The following PRKN variants were observed in gnomAD, a reference collection of about 807,000 sequenced individuals.
PRKN encodes the protein parkin RBR E3 ubiquitin protein ligase.
In PRKN, 56 loss-of-function variants were observed where a neutral mutation model predicts 59.5. That is an observed-to-expected ratio of 0.94 (90% confidence interval 0.76 to 1.18). The LOEUF (loss-of-function observed/expected upper bound fraction) is 1.18, where lower values mean the gene tolerates loss of function less well. PRKN is among the 50% of genes most tolerant of loss of function. PRKN has a pLI of 0.00. For synonymous variants in PRKN, 250 were observed against 222.1 expected (o/e 1.13, Z -1.12); for missense variants, 657 against 596.4 (o/e 1.10, Z -1.06).
chr6:161,462,294 T>G lies in PRKN; in HGVS notation c.1084-75417A>C, dbSNP rs1443472132. ...TTATCTAGACAGCATGCTTTTATTCTGAATCACCTGAACTTCCAGCTATCT... is the reference window on the plus strand; with the variant it reads ...TTATCTAGACAGCATGCTTTTATTCGGAATCACCTGAACTTCCAGCTATCT... On this transcript the variant is annotated intron_variant, in intron 9 of 11. Transcript: ENST00000366898. This position sits in a 1 kb window ranked among gnomAD's most constrained non-coding sequence, Gnocchi z 4.5. 6.6e-6 allele frequency among the ~76,000 whole-genome samples: 1 copy of G among 152,232 alleles called. No individual in the cohort carries two copies. Among genetic ancestry groups the G allele is most frequent in the Non-Finnish European group, 1.5e-5 (1 of 68,040 alleles).
At chr6:162,537,364 C>T (rs1244505024) in intron 1 of PRKN, among the ~76,000 whole-genome samples, 1 of 152,188 alleles carries the variant, frequency 6.6e-6, no homozygotes, top group Non-Finnish European at 1.5e-5. Context: ...CCACATGTTC[C>T]CGCTTCTTTG....
intron 9 of PRKN, among the ~76,000 whole-genome samples, chr6:161,512,724 T>A (rs1778439315): frequency 6.6e-6 from 1 of 152,202 alleles, no homozygotes; most frequent in African/African-American, 2.4e-5. Context: ...CACGTGTGAC[T>A]ATGTAGAGCA....
At chr6:161,482,727 G>A (rs1226204784) in intron 9 of PRKN, among the ~76,000 whole-genome samples, 5 of 152,208 alleles carry the variant, frequency 3.3e-5, no homozygotes, top group Non-Finnish European at 7.3e-5. Flanking sequence ...AGGCCAGCAC[G>A]TGGTTAATGA....
chr6:162,086,736 C>T (rs937076404), intron 4 of PRKN, among the ~76,000 whole-genome samples: 1 of 152,178 alleles, frequency 6.6e-6, no homozygotes, highest in East Asian at 1.9e-4. Flanking sequence ...TCAAATACTT[C>T]TCCTTAGTAG....
At chr6:161,627,144 A>G (rs1783118973) in intron 7 of PRKN, among the ~76,000 whole-genome samples, 5 of 152,222 alleles carry the variant, frequency 3.3e-5, no homozygotes, top group Admixed American at 6.5e-5. Context: ...ATTCTGCTGA[A>G]GGAGGTACAG....
Position 161,393,460 on chromosome 6 carries a change from G to A in PRKN, c.1084-6583C>T, listed in dbSNP as rs557778003. Among the ~76,000 whole-genome samples, 5 of 152,162 alleles carry A rather than the reference G, an allele frequency of 3.3e-5. No individual in the cohort carries two copies. The highest frequency in any genetic ancestry group is 3.9e-4 in the East Asian group (2 of 5,184). ...TAAGTCACTGTCAGCCCCCTTAGAC[G>A]CTCTGTACTACCAGAGAGCTATGTG... On this transcript the variant is annotated intron_variant, in intron 9 of 11. Transcript: ENST00000366898. This position sits in a 1 kb window ranked among gnomAD's most constrained non-coding sequence, Gnocchi z 4.7.
chr6:162,243,558 T>C (rs1779077537), intron 3 of PRKN, among the ~76,000 whole-genome samples: 1 of 152,122 alleles, frequency 6.6e-6, no homozygotes, highest in African/African-American at 2.4e-5. Flanking sequence ...TTAATACGAG[T>C]TTAATAGAGG....
chr6:162,269,356 AC>A (rs1436686947), intron 2 of PRKN, among the ~76,000 whole-genome samples: 1 of 152,196 alleles, frequency 6.6e-6, no homozygotes, highest in Non-Finnish European at 1.5e-5. Flanking sequence ...TTAAGCACAT[AC>A]CTAGAAGTGA....
chr6:162,540,083 T>G (rs2128199542), intron 1 of PRKN, among the ~76,000 whole-genome samples: 1 of 151,934 alleles, frequency 6.6e-6, no homozygotes, highest in Non-Finnish European at 1.5e-5. Flanking sequence ...GCCCAGCTAA[T>G]TTTTGTATTT....
intron 7 of PRKN, among the ~76,000 whole-genome samples, chr6:161,766,314 A>ATTTTTTTTTTTTTTTTTTTTTTTTTTTT (rs758294050): frequency 7.9e-5 from 11 of 139,634 alleles, no homozygotes; most frequent in South Asian, 2.3e-4. Flanking sequence ...CATTGACCAC[A>ATTTTTTTTTTTTTTTTTTTTTTTTTTTT]TTTTTTTTTT....
intron 1 of PRKN, among the ~76,000 whole-genome samples, chr6:162,705,407 A>T (rs768110321): frequency 2.7e-4 from 41 of 152,152 alleles, no homozygotes; most frequent in Admixed American, 9.2e-4. Flanking sequence ...TTCCATCAAT[A>T]TGCCCTTAAT....
At position 162,315,394 on chromosome 6, in the gene PRKN, G is replaced by A. The variant is rs1389455943; in HGVS notation, c.172-52629C>T. 2.6e-5 allele frequency among the ~76,000 whole-genome samples: 4 copies of A among 152,300 alleles called. No individual in the cohort carries two copies. In the South Asian group the frequency reaches 8.3e-4, roughly 32 times the overall value. ...CAGAAAGTTTAAGGAGTTATTGTAA[G>A]GCCGCCTGTAGGAAAGTACTAATAA... On this transcript the variant is annotated intron_variant, in intron 2 of 11. Coordinates refer to ENST00000366898, the MANE Select transcript of PRKN (RefSeq NM_004562.3).
intron 1 of PRKN, among the ~76,000 whole-genome samples, chr6:162,592,641 T>G (rs1441165696): frequency 1.3e-5 from 2 of 152,122 alleles, no homozygotes; most frequent in African/African-American, 4.8e-5. Flanking sequence ...CCCTGTACAT[T>G]AGATAACCAC....
At chr6:162,584,169 C>T (rs13205278) in intron 1 of PRKN, among the ~76,000 whole-genome samples, 8 of 146,592 alleles carry the variant, frequency 5.5e-5, no homozygotes, top group South Asian at 2.2e-4. Context: ...GCTGAGATTG[C>T]GTCACTGCAC....
intron 1 of PRKN, among the ~76,000 whole-genome samples, chr6:162,513,499 AG>A (rs1251529189): frequency 6.8e-6 from 1 of 146,308 alleles, no homozygotes; most frequent in Non-Finnish European, 1.5e-5. Flanking sequence ...AAAGAGGGAA[AG>A]AAAGAGAGAA....
At chr6:162,308,415 A>G (rs1782332123) in intron 2 of PRKN, among the ~76,000 whole-genome samples, 1 of 152,182 alleles carries the variant, frequency 6.6e-6, no homozygotes, top group Non-Finnish European at 1.5e-5. Context: ...AAAACAATTG[A>G]TGTCAGGAAG....
intron 6 of PRKN, among the ~76,000 whole-genome samples, chr6:161,920,340 T>C (rs1221188099): frequency 4.0e-5 from 6 of 148,996 alleles, no homozygotes; most frequent in East Asian, 4.1e-4. Flanking sequence ...GCCAAGATTG[T>C]GCCACTGCAC....
chr6:161,460,194 A>G lies in PRKN; in HGVS notation c.1084-73317T>C, dbSNP rs1354334680. ...AATACAACCAAAGTTTATAATAGGA[A>G]TATAATCCGTGTTATTTTAGGATGT... is the stretch of plus-strand genomic sequence containing the variant. On this transcript the variant is annotated intron_variant, in intron 9 of 11. Coordinates refer to ENST00000366898, the MANE Select transcript of PRKN (RefSeq NM_004562.3). The surrounding 1 kb of genome is among the most constrained non-coding windows in gnomAD (Gnocchi z 5.0). Among the ~76,000 whole-genome samples the G allele has an allele frequency of 6.6e-6, 1 of 152,222 alleles. No individual in the cohort carries two copies. Among genetic ancestry groups the G allele is most frequent in the Non-Finnish European group, 1.5e-5 (1 of 68,048 alleles).
chr6:161,960,723 G>A (rs1780347538), intron 6 of PRKN, among the ~76,000 whole-genome samples: 2 of 152,334 alleles, frequency 1.3e-5, no homozygotes, highest in Admixed American at 1.3e-4. Flanking sequence ...GCTGGGGACA[G>A]AAAGTCAATC....
Sources: gnomAD v4.1 joint callset for allele counts (sites outside exome capture counted in the v4.1 genomes callset) on GRCh38, gnomAD v4.1.1 for gene constraint, Gnocchi (gnomAD v3.1) non-coding constraint, MANE v1.5 for transcripts, NCBI Gene and HGNC (gene_info 2026-07-23, HGNC 2026-07-21) for gene names.